Variants in ROR1 observed in about 807,000 individuals in gnomAD.
The protein encoded by ROR1 is inactive tyrosine-protein kinase transmembrane receptor ROR1.
A neutral mutation model predicts 78.8 loss-of-function variants in ROR1; 19 were observed. That is an observed-to-expected ratio of 0.24 (90% CI 0.17 to 0.35). ROR1 has a LOEUF of 0.35. ROR1 is among the 10% of genes least tolerant of loss of function. The probability of loss-of-function intolerance (pLI) is 1.00; values close to 1 mark genes in which losing one functional copy is unlikely to be tolerated. For synonymous variants in ROR1, 386 were observed against 433.6 expected (o/e 0.89, Z 1.36); for missense variants, 917 against 1,177.8 (o/e 0.78, Z 3.24).
intron 4 of ROR1, among the ~76,000 whole-genome samples, chr1:64,131,743 T>C (rs979442822): frequency 6.6e-6 from 1 of 152,160 alleles, no homozygotes; most frequent in Non-Finnish European, 1.5e-5. Context: ...GCCCCCTGAA[T>C]AGATAGGACT....
intron 1 of ROR1, chr1:63,789,099 G>A: frequency 1.6e-6 from 1 of 615,408 alleles, no homozygotes; most frequent in South Asian, 1.4e-5. Flanking sequence ...CTTCCGGTAG[G>A]CCAAGGTGTT....
intron 5 of ROR1, among the ~76,000 whole-genome samples, 194 bp downstream of exon 5, chr1:64,137,690 A>G (rs746268078): frequency 3.3e-5 from 5 of 152,228 alleles, no homozygotes; most frequent in Non-Finnish European, 5.9e-5. Context: ...TTGCTCTTAG[A>G]GGAAAAGGAA....
intron 4 of ROR1, among the ~76,000 whole-genome samples, chr1:64,065,554 G>T (rs751117068): frequency 1.2e-4 from 19 of 152,150 alleles, no homozygotes; most frequent in Non-Finnish European, 2.2e-4. Context: ...AAACTGGGTT[G>T]CACAGGGCAC....
At position 64,142,408 on chromosome 1, in the gene ROR1, A is replaced by G. The variant is rs1649345464; in HGVS notation, c.932A>G (p.His311Arg). The G allele has an allele frequency of 6.2e-7, 1 of 1,613,982 alleles. No individual in the cohort carries two copies. The highest frequency in any genetic ancestry group is 8.5e-7 in the Non-Finnish European group (1 of 1,179,972). ...IPMADPINKN[H>R]KCYNSTGVDY... ...TGGGTTTTTGTGTGTTTTTCAGATC[A>G]CAAGTGTTATAACAGCACAGGTGTG... The change falls in exon 7 of 9, where the codon CAC becomes CGC. Residue 311 changes from histidine to arginine, a missense_variant. His to Arg is a conservative substitution (Grantham distance 29). Around this residue, in one of 3 missense-constraint regions of ROR1, gnomAD observed 835 missense variants for 1,069.8 expected, o/e 0.78. Coordinates refer to ENST00000371079, the MANE Select transcript of ROR1 (RefSeq NM_005012.4).
chr1:63,774,481 C>A lies in ROR1; in HGVS notation c.64C>A (p.Leu22Met). 8.6e-7 allele frequency: 1 copy of A among 1,156,314 alleles called. No individual in the cohort carries two copies. Among genetic ancestry groups the A allele is most frequent in the Non-Finnish European group, 1.1e-6 (1 of 944,012 alleles). 71.6% of individuals were successfully genotyped at this position (1,156,314 alleles called of 1,614,324 possible). Reference sequence around the variant, plus strand: ...CCTGGCGCTGCTGGCCGCGCTGCTGCTGGCCGCACGCGGGGCTGCTGCCCA... The same window carrying A: ...CCTGGCGCTGCTGGCCGCGCTGCTGATGGCCGCACGCGGGGCTGCTGCCCA... Reference protein sequence around the residue: ...PLLALLAALLLAARGAAAQET... With the variant: ...PLLALLAALLMAARGAAAQET... The change falls in exon 1 of 9, where the codon CTG becomes ATG. Residue 22 changes from leucine to methionine, a missense_variant. Leu to Met is a conservative substitution (Grantham distance 15). Around this residue, in one of 3 missense-constraint regions of ROR1, gnomAD observed 63 missense variants for 57.0 expected, o/e 1.10. Transcript: ENST00000371079. This position sits in a 1 kb window ranked among gnomAD's most constrained non-coding sequence, Gnocchi z 5.7.
intron 1 of ROR1, among the ~76,000 whole-genome samples, chr1:63,862,028 A>G (rs1485157385): frequency 3.3e-5 from 5 of 152,166 alleles, no homozygotes; most frequent in Admixed American, 3.3e-4. Flanking sequence ...TTATCACATA[A>G]TTTTTATTTA....
chr1:63,918,683 T>C (rs1645629403), intron 1 of ROR1, among the ~76,000 whole-genome samples: 1 of 152,204 alleles, frequency 6.6e-6, no homozygotes, highest in African/African-American at 2.4e-5. Flanking sequence ...ACACTCTATA[T>C]ACTGTGCCTC....
intron 1 of ROR1, among the ~76,000 whole-genome samples, chr1:63,942,423 T>C (rs1336822598): frequency 1.3e-5 from 2 of 152,204 alleles, no homozygotes; most frequent in African/African-American, 4.8e-5. Flanking sequence ...TCTATTATGA[T>C]TTTTATGTAC....
At chr1:63,909,304 G>A (rs1383851664) in intron 1 of ROR1, among the ~76,000 whole-genome samples, 1 of 152,098 alleles carries the variant, frequency 6.6e-6, no homozygotes, top group African/African-American at 2.4e-5. Flanking sequence ...TGTTCAGTAA[G>A]TACTTACAAA....
intron 1 of ROR1, among the ~76,000 whole-genome samples, chr1:63,839,539 A>G (rs553170042): frequency 2.8e-4 from 42 of 152,302 alleles, no homozygotes; most frequent in Non-Finnish European, 6.0e-4. Context: ...ATTGCAATTA[A>G]AAAAGGTGCA....
intron 1 of ROR1, among the ~76,000 whole-genome samples, chr1:63,867,662 T>C (rs900562445): frequency 3.3e-5 from 5 of 152,218 alleles, no homozygotes; most frequent in African/African-American, 1.2e-4. Context: ...TTCTGTCTTT[T>C]CTTCCAAGTT....
chr1:64,107,143 G>A (rs560466561), intron 4 of ROR1: 2 of 152,004 alleles, frequency 1.3e-5, no homozygotes, highest in South Asian at 4.2e-4. Context: ...TTATGTACTG[G>A]GCGTTATATT....
intron 1 of ROR1, among the ~76,000 whole-genome samples, chr1:63,993,513 G>GAAAA (rs1646313000): frequency 6.6e-6 from 1 of 152,174 alleles, no homozygotes; most frequent in African/African-American, 2.4e-5. Context: ...ATTTATACAT[G>GAAAA]TAAGAGTATG....
At chr1:64,076,414 G>A (rs967342479) in intron 4 of ROR1, among the ~76,000 whole-genome samples, 1 of 152,144 alleles carries the variant, frequency 6.6e-6, no homozygotes. Flanking sequence ...TATACAAACA[G>A]CTTGAGGAAA....
chr1:63,786,561 C>G (rs1230203296), intron 1 of ROR1, among the ~76,000 whole-genome samples: 2 of 147,734 alleles, frequency 1.4e-5, no homozygotes, highest in Non-Finnish European at 3.0e-5. Context: ...CGTGAGCCAC[C>G]GCGCCTGGCC....
At chr1:64,114,992 G>T (rs567340197) in intron 4 of ROR1, among the ~76,000 whole-genome samples, 12 of 152,226 alleles carry the variant, frequency 7.9e-5, no homozygotes, top group African/African-American at 2.9e-4. Flanking sequence ...TTGAGACGAG[G>T]TCTCACTCTG....
chr1:63,949,072 G>A (rs1236341951), intron 1 of ROR1, among the ~76,000 whole-genome samples: 1 of 152,174 alleles, frequency 6.6e-6, no homozygotes, highest in Non-Finnish European at 1.5e-5. Context: ...CCAGTGTGCT[G>A]TGCAGAACTG....
At chr1:63,781,577 T>A (rs1317052520) in intron 1 of ROR1, among the ~76,000 whole-genome samples, 1 of 152,090 alleles carries the variant, frequency 6.6e-6, no homozygotes, top group East Asian at 1.9e-4. Flanking sequence ...GTGGAAAAAA[T>A]GCTGTGGGAA....
At chr1:64,055,499 A>G (rs1343274999) in intron 4 of ROR1, among the ~76,000 whole-genome samples, 1 of 152,240 alleles carries the variant, frequency 6.6e-6, no homozygotes, top group Non-Finnish European at 1.5e-5. Flanking sequence ...ACAGAGGGCA[A>G]GACATGTAGA....
Sources: gnomAD v4.1 joint callset for allele counts (sites outside exome capture counted in the v4.1 genomes callset) on GRCh38, gnomAD v4.1.1 for gene constraint, gnomAD v4.1.1 regional missense constraint, Gnocchi (gnomAD v3.1) non-coding constraint, MANE v1.5 for transcripts, NCBI Gene and HGNC (gene_info 2026-07-23, HGNC 2026-07-21) for gene names.